Variants in NT5DC3 observed in about 807,000 individuals in gnomAD.
NT5DC3 encodes 5'-nucleotidase domain containing 3, also known as 5'-nucleotidase domain-containing protein 3.
In NT5DC3, 42 loss-of-function variants were observed where a neutral mutation model predicts 67.8. That is an observed-to-expected ratio of 0.62 (90% CI 0.48 to 0.80). The LOEUF is 0.80. Among genes scored for constraint, NT5DC3 ranks in the 30% least tolerant of loss-of-function variants. The pLI is 0.00. For synonymous variants in NT5DC3, 237 were observed against 255.6 expected, an observed-to-expected ratio of 0.93 and a Z score of 0.69; for missense variants, 570 against 696.4, an observed-to-expected ratio of 0.82 and a Z score of 2.04.
At chr12:103,830,811 T>C (rs1218506465) in intron 1 of NT5DC3, among the ~76,000 whole-genome samples, 1 of 152,236 alleles carries the variant, frequency 6.6e-6, no homozygotes, top group African/African-American at 2.4e-5. Flanking sequence ...TTTCAAACAC[T>C]CATAGATAGC....
chr12:103,767,953 T>C (rs2139274206), downstream of NT5DC3, among the ~76,000 whole-genome samples: 1 of 151,424 alleles, frequency 6.6e-6, no homozygotes, highest in East Asian at 1.9e-4. Context: ...CTGGGCATGG[T>C]AGCACGGACC....
intron 1 of NT5DC3, among the ~76,000 whole-genome samples, chr12:103,835,791 A>G (rs1888118873): frequency 6.6e-6 from 1 of 152,220 alleles, no homozygotes; most frequent in South Asian, 2.1e-4. Flanking sequence ...GTCACACATC[A>G]AAGCCCAAAC....
At chr12:103,750,665 A>G in the NT5DC3 span, 1 of 1,614,256 alleles carries the variant, frequency 6.2e-7, no homozygotes, top group South Asian at 1.1e-5. Flanking sequence ...ACCGCTGCTT[A>G]CAGGACAATG....
downstream of NT5DC3, among the ~76,000 whole-genome samples, chr12:103,765,562 C>T (rs1294260500): frequency 6.6e-6 from 1 of 152,206 alleles, no homozygotes; most frequent in Non-Finnish European, 1.5e-5. Flanking sequence ...GCATGGCCAC[C>T]TCTAGAGTGT....
chr12:103,760,847 T>C, the NT5DC3 span, among the ~76,000 whole-genome samples: 2 of 152,244 alleles, frequency 1.3e-5, no homozygotes, highest in African/African-American at 4.8e-5. Flanking sequence ...TTTGTTAAAA[T>C]GAAGACGTGA....
intron 1 of NT5DC3, among the ~76,000 whole-genome samples, chr12:103,818,329 A>T (rs1325596193): frequency 6.6e-6 from 1 of 151,716 alleles, no homozygotes; most frequent in Admixed American, 6.6e-5. Context: ...TGACAGTTCC[A>T]TTTCTTTATT....
intron 11 of NT5DC3, among the ~76,000 whole-genome samples, chr12:103,787,030 T>C (rs1885815648): frequency 6.6e-6 from 1 of 152,130 alleles, no homozygotes; most frequent in Admixed American, 6.5e-5. Flanking sequence ...TTCCTCCTAA[T>C]AATACATGAA....
At chr12:103,812,856 T>A (rs915634200) in intron 2 of NT5DC3, among the ~76,000 whole-genome samples, 2 of 152,206 alleles carry the variant, frequency 1.3e-5, no homozygotes, top group African/African-American at 4.8e-5. Context: ...TAGCTAACCT[T>A]TATTGAGTGT....
At chr12:103,748,775 G>A in the NT5DC3 span, among the ~76,000 whole-genome samples, 1 of 152,114 alleles carries the variant, frequency 6.6e-6, no homozygotes. Context: ...ATCTATGAGG[G>A]TGTCACAAAA....
At chr12:103,778,160 C>T (rs2139297138) in intron 13 of NT5DC3, 79 bp from the exon 14 acceptor site, 2 of 1,318,300 alleles carry the variant, frequency 1.5e-6, no homozygotes, top group African/African-American at 1.6e-5. Context: ...ATCAAAATCA[C>T]TTCTTTTTTT....
chr12:103,757,430 T>C, the NT5DC3 span, among the ~76,000 whole-genome samples: 1 of 152,160 alleles, frequency 6.6e-6, no homozygotes, highest in East Asian at 1.9e-4. Context: ...TTGAGATATA[T>C]CAGTGAACAA....
chr12:103,766,347 G>C, downstream of NT5DC3: 1 of 1,601,546 alleles, frequency 6.2e-7, no homozygotes. Context: ...GGGCCTGGAC[G>C]GGAGATGCCA....
intron 2 of NT5DC3, among the ~76,000 whole-genome samples, chr12:103,812,978 T>C (rs1380146928): frequency 1.3e-5 from 2 of 152,192 alleles, no homozygotes; most frequent in Non-Finnish European, 2.9e-5. Context: ...TCCAGAGGAA[T>C]TGAGTGAGTC....
At chr12:103,781,624 T>C (rs1885556138) in intron 12 of NT5DC3, among the ~76,000 whole-genome samples, 1 of 143,698 alleles carries the variant, frequency 7.0e-6, no homozygotes, top group African/African-American at 2.5e-5. Context: ...AAAAAGAAGA[T>C]TTCTCCTGGT....
chr12:103,812,946 T>G (rs74601248), intron 2 of NT5DC3, among the ~76,000 whole-genome samples: 3 of 152,200 alleles, frequency 2.0e-5, no homozygotes, highest in Admixed American at 2.0e-4. Flanking sequence ...CTACGCCCAT[T>G]TTACAGGGGA....
At chr12:103,811,076 C>A (rs1440544572) in intron 2 of NT5DC3, among the ~76,000 whole-genome samples, 1 of 152,198 alleles carries the variant, frequency 6.6e-6, no homozygotes, top group Non-Finnish European at 1.5e-5. Context: ...CTCACGGATG[C>A]AGATGTCAAA....
chr12:103,819,117 C>A (rs550450186), intron 1 of NT5DC3, among the ~76,000 whole-genome samples: 1 of 152,324 alleles, frequency 6.6e-6, no homozygotes, highest in South Asian at 2.1e-4. Flanking sequence ...CTGGTCAGCA[C>A]ATCTCCAAAA....
At chr12:103,803,975 A>G (rs149760654) in intron 4 of NT5DC3, among the ~76,000 whole-genome samples, 1 of 152,022 alleles carries the variant, frequency 6.6e-6, no homozygotes, top group East Asian at 1.9e-4. Context: ...CTGGGTCTGA[A>G]TTCTAGCCCA....
At chr12:103,838,394 T>C (rs575696504) in intron 1 of NT5DC3, among the ~76,000 whole-genome samples, 2 of 152,340 alleles carry the variant, frequency 1.3e-5, no homozygotes, top group African/African-American at 4.8e-5. Context: ...CTGAACCCTA[T>C]GATGCTACTG....
Sources: allele counts gnomAD v4.1 joint callset (sites outside exome capture counted in the v4.1 genomes callset), GRCh38; gene constraint gnomAD v4.1.1; transcripts MANE v1.5; gene names NCBI Gene and HGNC (gene_info 2026-07-23, HGNC 2026-07-21).